The following USP42 variants were observed in gnomAD, a reference collection of about 807,000 sequenced individuals.
USP42 encodes the protein ubiquitin carboxyl-terminal hydrolase 42.
A neutral mutation model predicts 113.0 loss-of-function variants in USP42; 23 were observed. The ratio of observed to expected loss-of-function variants is 0.20; its 90% CI spans 0.15 to 0.29. The LOEUF is 0.29. Among genes scored for constraint, USP42 ranks in the 10% least tolerant of loss-of-function variants. The pLI is 1.00. For missense variants in USP42, 2,174 were observed against 1,779.8 expected, an observed-to-expected ratio of 1.22 and a Z score of -3.99; for synonymous variants, 933 against 699.0, an observed-to-expected ratio of 1.33 and a Z score of -5.28.
At chr7:6,150,848 G>C (rs1481102678) in intron 14 of USP42, among the ~76,000 whole-genome samples, 1 of 152,126 alleles carries the variant, frequency 6.6e-6, no homozygotes, top group Non-Finnish European at 1.5e-5. Context: ...GGTGTGCTGA[G>C]GGTCTAGGCC....
chr7:6,100,026 T>C (rs987638378), upstream of USP42, among the ~76,000 whole-genome samples: 1 of 149,648 alleles, frequency 6.7e-6, no homozygotes, highest in Non-Finnish European at 1.5e-5. Context: ...TTATTATTAT[T>C]ATTATTGGTA....
rs958645753 is a variant in USP42 at position 6,115,199 on chromosome 7, T to C, written c.242-124T>C. On this transcript the variant is annotated intron_variant, in intron 2 of 17. Transcript: ENST00000306177. ...TTAAAATGTCCCTCTTCCCCCTGTA[T>C]TTCAGGTAGGCTGGTCATGAGATTT... The C allele has an allele frequency of 1.9e-5, 17 of 905,256 alleles. No homozygotes were observed. The African/African-American group carries it at 2.1e-4, about 11-fold the overall frequency. The allele number at this position is 905,256 out of a possible 1,614,324, so 56.1% of individuals were successfully genotyped here. A position where few individuals can be genotyped will look rare whatever the true frequency, so the allele number is the denominator to read the frequency against.
chr7:6,129,173 C>G (rs918476940), intron 3 of USP42, among the ~76,000 whole-genome samples: 1 of 152,184 alleles, frequency 6.6e-6, no homozygotes, highest in Non-Finnish European at 1.5e-5. Context: ...CCACGGTTTA[C>G]TGGTATTGTC....
Position 6,111,184 on chromosome 7 carries a change from G to C in USP42, c.51G>C (p.Gln17His). 6.2e-7 allele frequency: 1 copy of C among 1,612,960 alleles called. No homozygotes were observed. Among genetic ancestry groups the C allele is most frequent in the Non-Finnish European group, 8.5e-7 (1 of 1,179,356 alleles). Residue 17 changes from glutamine (Q) to histidine (H), a missense_variant, in exon 2 of 18, where the codon CAG becomes CAC. Coordinates refer to ENST00000306177, the MANE Select transcript of USP42 (RefSeq NM_032172.3). ...ASESSDPSAY[Q>H]NQPGSSEAVS... ...AATCTTCAGACCCATCAGCCTATCA[G>C]AATCAGCCTGGCAGCTCCGAGGCAG...
At chr7:6,140,808 C>T (rs1781388733) in intron 6 of USP42, 106 bp from the exon 7 acceptor site, 2 of 646,140 alleles carry the variant, frequency 3.1e-6, no homozygotes, top group African/African-American at 1.9e-5. Context: ...AGAAAAATTA[C>T]AGTTAAAAAA....
At chr7:6,099,238 G>A in the USP42 span, among the ~76,000 whole-genome samples, 2 of 112,774 alleles carry the variant, frequency 1.8e-5, no homozygotes, top group South Asian at 2.7e-4. Context: ...TTTTTGAGAC[G>A]GAGTCTCGTT....
chr7:6,117,225 C>T (rs1180762411), intron 3 of USP42, among the ~76,000 whole-genome samples: 1 of 152,128 alleles, frequency 6.6e-6, no homozygotes, highest in African/African-American at 2.4e-5. Flanking sequence ...GCCCGGCAAC[C>T]ACTGATCTGC....
the USP42 span, among the ~76,000 whole-genome samples, chr7:6,090,502 G>T: frequency 6.8e-6 from 1 of 146,216 alleles, no homozygotes; most frequent in African/African-American, 2.6e-5. Flanking sequence ...ATCAACTGAG[G>T]TCAGGAGTTT....
At chr7:6,150,569 A>G in intron 14 of USP42, 63 bp downstream of exon 14, 1 of 1,367,838 alleles carries the variant, frequency 7.3e-7, no homozygotes, top group Non-Finnish European at 1.0e-6. Flanking sequence ...TAGCCTCCAG[A>G]TGTGTCAGTA....
rs968985422 is a variant in USP42 at position 6,106,855 on chromosome 7, C to T, written c.-10+1823C>T. On this transcript the variant is annotated intron_variant, in intron 1 of 17. Coordinates refer to ENST00000306177, the MANE Select transcript of USP42 (RefSeq NM_032172.3). ...TGTTGGGATTACAGGCTTGGTCCAC[C>T]ATGCCCCACCTGTAGGTTGTTGTTT... Among the ~76,000 whole-genome samples the T allele has an allele frequency of 3.3e-5, 5 of 152,198 alleles. 1 individual carries two copies. Among genetic ancestry groups the T allele is most frequent in the Admixed American group, 2.6e-4 (4 of 15,272 alleles).
intron 1 of USP42, among the ~76,000 whole-genome samples, chr7:6,110,259 C>T (rs940450555): frequency 6.6e-6 from 1 of 152,124 alleles, no homozygotes; most frequent in Admixed American, 6.6e-5. Context: ...TGGCTGGGAA[C>T]GCTGGACCTG....
the USP42 span, among the ~76,000 whole-genome samples, chr7:6,094,162 A>G: frequency 1.3e-5 from 2 of 149,976 alleles, no homozygotes; most frequent in Middle Eastern, 3.4e-3. Context: ...GATTACAGGC[A>G]TGAGCCACCA....
chr7:6,135,833 T>C lies in USP42; in HGVS notation c.443-8T>C. ...TGCTAATTTGGAGGATTATCATCTA[T>C]CTTTCAGGTCATGCAGAAGGCTTTT... On this transcript the variant is annotated splice_polypyrimidine_tract_variant and splice_region_variant and intron_variant, in intron 3 of 17. Transcript: ENST00000306177. 1 of 1,577,554 alleles carries C rather than the reference T, an allele frequency of 6.3e-7. No individual in the cohort carries two copies. The highest frequency in any genetic ancestry group is 8.6e-7 in the Non-Finnish European group (1 of 1,160,866).
intron 8 of USP42, among the ~76,000 whole-genome samples, chr7:6,143,719 T>A (rs745838888): frequency 1.6e-4 from 25 of 152,216 alleles, no homozygotes; most frequent in Non-Finnish European, 3.5e-4. Flanking sequence ...TATTATTATT[T>A]TTAAATTAGA....
chr7:6,143,338 G>A (rs1781531931), intron 8 of USP42, among the ~76,000 whole-genome samples: 1 of 152,130 alleles, frequency 6.6e-6, no homozygotes, highest in Non-Finnish European at 1.5e-5. Context: ...CTGCCAAATA[G>A]CATTTTCATT....
Position 6,137,555 on chromosome 7 carries a change from A to G in USP42, c.554-1537A>G, listed in dbSNP as rs370027954. 4.1e-3 allele frequency among the ~76,000 whole-genome samples: 619 copies of G among 152,298 alleles called. 2 individuals are homozygous for G. The highest frequency in any genetic ancestry group is 0.014 in the African/African-American group (594 of 41,570). On this transcript the variant is annotated intron_variant, in intron 4 of 17. Transcript: ENST00000306177. ...GTAGTTTTAGTAGAGACGGGGTTTCACCATGTTGGCCAGGCTGGCCTTGAA... is the reference window on the plus strand; with the variant it reads ...GTAGTTTTAGTAGAGACGGGGTTTCGCCATGTTGGCCAGGCTGGCCTTGAA...
intron 1 of USP42, among the ~76,000 whole-genome samples, chr7:6,110,615 T>C (rs996639191): frequency 3.3e-5 from 5 of 152,168 alleles, no homozygotes; most frequent in African/African-American, 1.2e-4. Context: ...TTAAAAAATA[T>C]AATGTATTTC....
intron 14 of USP42, among the ~76,000 whole-genome samples, chr7:6,152,256 G>A (rs925795148): frequency 6.6e-6 from 1 of 152,214 alleles, no homozygotes; most frequent in Non-Finnish European, 1.5e-5. Flanking sequence ...GGTGCCAGGC[G>A]CGGGTTCATC....
intron 3 of USP42, chr7:6,116,958 A>G (rs1014310150): frequency 4.3e-6 from 2 of 463,898 alleles, no homozygotes; most frequent in East Asian, 6.5e-5. Context: ...CTTTTATGCT[A>G]CTGGTAGTTT....
Sources: allele counts gnomAD v4.1 joint callset (sites outside exome capture counted in the v4.1 genomes callset), GRCh38; gene constraint gnomAD v4.1.1; transcripts MANE v1.5; gene names NCBI Gene and HGNC (gene_info 2026-07-23, HGNC 2026-07-21).